The following ADAMTS19 variants were observed in gnomAD, a reference collection of about 807,000 sequenced individuals.
The protein encoded by ADAMTS19 is A disintegrin and metalloproteinase with thrombospondin motifs 19.
A neutral mutation model predicts 153.3 loss-of-function variants in ADAMTS19; 93 were observed. The observed-to-expected ratio is 0.61, with a 90% CI of 0.51 to 0.72. The LOEUF (loss-of-function observed/expected upper bound fraction) is 0.72, where lower values mean the gene tolerates loss of function less well. Among genes scored for constraint, ADAMTS19 ranks in the 30% least tolerant of loss-of-function variants. ADAMTS19 has a pLI of 0.00. For synonymous variants in ADAMTS19, 600 were observed against 556.6 expected (o/e 1.08, Z -1.10); for missense variants, 1,482 against 1,552.1 (o/e 0.95, Z 0.76).
chr5:129,504,845 G>T (rs1751216266), intron 2 of ADAMTS19, among the ~76,000 whole-genome samples: 1 of 146,258 alleles, frequency 6.8e-6, no homozygotes, highest in Admixed American at 7.1e-5. Flanking sequence ...TATTAAGTCT[G>T]AGTAGTATTC....
chr5:129,587,355 T>C (rs1468603143), intron 7 of ADAMTS19, among the ~76,000 whole-genome samples: 1 of 151,992 alleles, frequency 6.6e-6, no homozygotes, highest in Non-Finnish European at 1.5e-5. Context: ...TTAAATCTCA[T>C]CTGCTAACTG....
intron 2 of ADAMTS19, among the ~76,000 whole-genome samples, chr5:129,482,541 A>G (rs1198333983): frequency 1.3e-5 from 2 of 152,220 alleles, no homozygotes; most frequent in African/African-American, 2.4e-5. Context: ...GCTAAAGTCA[A>G]AATATCTAAA....
intron 5 of ADAMTS19, 82 bp downstream of exon 5, chr5:129,527,913 G>A: frequency 1.1e-6 from 1 of 883,002 alleles, no homozygotes; most frequent in Non-Finnish European, 1.8e-6. Context: ...GAATGTTAAG[G>A]ATGTGCTTAA....
chr5:129,551,983 T>C, intron 7 of ADAMTS19, 76 bp downstream of exon 7: 3 of 944,208 alleles, frequency 3.2e-6, no homozygotes, highest in Non-Finnish European at 4.7e-6. Flanking sequence ...TAGGAAATTA[T>C]TTGTGTTCTG....
At position 129,584,250 on chromosome 5, in the gene ADAMTS19, T is replaced by C. The variant is rs183993548; in HGVS notation, c.1373-12309T>C. ...GCTGCAGAACAGCAAAGTTTGCCAC[T>C]GGCTCCTTCCTCTGGAAGCTTCATC... On this transcript the variant is annotated intron_variant, in intron 7 of 22. Coordinates refer to ENST00000274487, the MANE Select transcript of ADAMTS19 (RefSeq NM_133638.6). Among the ~76,000 whole-genome samples, 216 of 152,268 alleles carry C rather than the reference T, an allele frequency of 1.4e-3. 1 individual carries two copies. The highest frequency in any genetic ancestry group is 3.4e-3 in the Middle Eastern group (1 of 294).
intron 2 of ADAMTS19, among the ~76,000 whole-genome samples, chr5:129,503,026 C>A (rs138142556): frequency 1.9e-3 from 286 of 152,228 alleles, no homozygotes; most frequent in African/African-American, 6.1e-3. Flanking sequence ...CAATGGCATT[C>A]TGGAAAGAGA....
At chr5:129,506,856 T>C (rs1277898856) in intron 2 of ADAMTS19, among the ~76,000 whole-genome samples, 1 of 151,912 alleles carries the variant, frequency 6.6e-6, no homozygotes, top group Non-Finnish European at 1.5e-5. Context: ...TTTCTGTTCC[T>C]TCTAACTTAT....
intron 6 of ADAMTS19, among the ~76,000 whole-genome samples, chr5:129,529,073 C>A (rs1752111805): frequency 1.3e-5 from 2 of 152,066 alleles, no homozygotes; most frequent in South Asian, 4.1e-4. Context: ...CTTTCTGGCT[C>A]CATGTGAGAA....
At chr5:129,491,656 A>G (rs966241610) in intron 2 of ADAMTS19, among the ~76,000 whole-genome samples, 1 of 152,202 alleles carries the variant, frequency 6.6e-6, no homozygotes, top group Non-Finnish European at 1.5e-5. Context: ...GTCATGAAAC[A>G]GTTTTACATT....
At chr5:129,496,112 AG>A (rs1391265186) in intron 2 of ADAMTS19, among the ~76,000 whole-genome samples, 4 of 151,990 alleles carry the variant, frequency 2.6e-5, no homozygotes, top group African/African-American at 9.7e-5. Flanking sequence ...GTTCCTTTTA[AG>A]GGGGGGCACA....
intron 7 of ADAMTS19, among the ~76,000 whole-genome samples, chr5:129,585,220 G>T (rs1456352174): frequency 6.6e-6 from 1 of 151,558 alleles, no homozygotes; most frequent in African/African-American, 2.4e-5. Flanking sequence ...CCCTCCGTGG[G>T]CTGCACCCAC....
chr5:129,584,963 C>G (rs528551344), intron 7 of ADAMTS19, among the ~76,000 whole-genome samples: 18 of 152,282 alleles, frequency 1.2e-4, no homozygotes, highest in Admixed American at 1.0e-3. Flanking sequence ...TCTCCTGAAG[C>G]TAGTTAGGTG....
intron 7 of ADAMTS19, among the ~76,000 whole-genome samples, chr5:129,584,514 T>C (rs1409727106): frequency 6.6e-6 from 1 of 152,148 alleles, no homozygotes; most frequent in African/African-American, 2.4e-5. Flanking sequence ...TTCACCCAGG[T>C]GCTCTGTCAC....
chr5:129,580,750 T>C (rs1442313091), intron 7 of ADAMTS19, among the ~76,000 whole-genome samples: 1 of 152,226 alleles, frequency 6.6e-6, no homozygotes, highest in Non-Finnish European at 1.5e-5. Context: ...GATTTGTGTA[T>C]GTTGAACCAG....
At chr5:129,612,879 G>A (rs950491377) in intron 8 of ADAMTS19, among the ~76,000 whole-genome samples, 2 of 152,080 alleles carry the variant, frequency 1.3e-5, no homozygotes. Flanking sequence ...AAAGGCAGGG[G>A]TTGCAATCCT....
At chr5:129,642,738 C>T (rs891751134) in intron 11 of ADAMTS19, among the ~76,000 whole-genome samples, 6 of 151,962 alleles carry the variant, frequency 3.9e-5, no homozygotes, top group Admixed American at 1.3e-4. Flanking sequence ...TAAATAGCAA[C>T]GTAAAGAACC....
At chr5:129,624,497 A>G (rs1413019796) in intron 10 of ADAMTS19, among the ~76,000 whole-genome samples, 1 of 152,168 alleles carries the variant, frequency 6.6e-6, no homozygotes, top group Non-Finnish European at 1.5e-5. Context: ...GCAACAAAAT[A>G]GGCTCTTTGT....
rs114399391 is a variant in ADAMTS19 at position 129,581,670 on chromosome 5, C to T, written c.1373-14889C>T. Among the ~76,000 whole-genome samples, 1,102 of 152,010 alleles carry T rather than the reference C, an allele frequency of 7.2e-3. 12 individuals carry two copies. The highest frequency in any genetic ancestry group is 0.025 in the African/African-American group (1,046 of 41,476). Reference sequence around the variant, plus strand: ...TTTTGAATTTGTTTGCTTCTTGCTTCTCTACTTCTTTTAATTGTGATGTTA... The same window carrying T: ...TTTTGAATTTGTTTGCTTCTTGCTTTTCTACTTCTTTTAATTGTGATGTTA... On this transcript the variant is annotated intron_variant, in intron 7 of 22. Transcript: ENST00000274487.
At chr5:129,634,210 C>T (rs1470569759) in intron 10 of ADAMTS19, among the ~76,000 whole-genome samples, 1 of 151,992 alleles carries the variant, frequency 6.6e-6, no homozygotes, top group Non-Finnish European at 1.5e-5. Flanking sequence ...AAATAAAATA[C>T]CTAGGAATAC....
Sources: allele counts gnomAD v4.1 joint callset (sites outside exome capture counted in the v4.1 genomes callset), GRCh38; gene constraint gnomAD v4.1.1; transcripts MANE v1.5; gene names NCBI Gene and HGNC (gene_info 2026-07-23, HGNC 2026-07-21).